Variants in MOB3B observed in about 807,000 individuals in gnomAD.
MOB3B encodes the protein MOB kinase activator 3B, also known as MOB kinase activator-like 2B.
MOB3B carries 7 observed loss-of-function variants against 18.7 expected under a neutral mutation model. That is an observed-to-expected ratio of 0.37 (90% CI 0.21 to 0.70). The LOEUF (loss-of-function observed/expected upper bound fraction) is 0.70, where lower values mean the gene tolerates loss of function less well. Ranked by LOEUF, MOB3B falls within the 30% of genes least tolerant of loss-of-function variation. The pLI, the probability that MOB3B is intolerant of heterozygous loss-of-function variation, is 0.52. For synonymous variants in MOB3B, 111 were observed against 99.9 expected, an observed-to-expected ratio of 1.11 and a Z score of -0.66; for missense variants, 253 against 281.3, an observed-to-expected ratio of 0.90 and a Z score of 0.72.
intron 2 of MOB3B, among the ~76,000 whole-genome samples, chr9:27,419,235 G>A (rs1822203593): frequency 6.6e-6 from 1 of 151,996 alleles, no homozygotes; most frequent in African/African-American, 2.4e-5. Context: ...CACTGACAAA[G>A]GAAATCTACA....
intron 1 of MOB3B, among the ~76,000 whole-genome samples, chr9:27,508,836 G>A (rs1462963889): frequency 1.3e-5 from 2 of 152,182 alleles, no homozygotes; most frequent in East Asian, 1.9e-4. Flanking sequence ...AGGGCCCATT[G>A]AGGCTGTTTT....
intron 1 of MOB3B, among the ~76,000 whole-genome samples, chr9:27,466,498 T>C (rs1348796045): frequency 1.3e-5 from 2 of 152,336 alleles, no homozygotes; most frequent in South Asian, 4.1e-4. Flanking sequence ...CTTCCACATT[T>C]TCGGGTATCT....
At chr9:27,441,254 C>A (rs572977513) in intron 2 of MOB3B, among the ~76,000 whole-genome samples, 50 of 144,426 alleles carry the variant, frequency 3.5e-4, no homozygotes, top group African/African-American at 1.2e-3. Context: ...GCATAAATTT[C>A]TTTTTACTTC....
At chr9:27,369,555 G>A (rs1475208863) in intron 2 of MOB3B, among the ~76,000 whole-genome samples, 2 of 152,206 alleles carry the variant, frequency 1.3e-5, no homozygotes, top group Non-Finnish European at 2.9e-5. Context: ...AAACTCTAAA[G>A]CAGCCTCCTA....
rs192059654 is a variant in MOB3B, at chr9:27,446,818, T to G, written c.418+8315A>C. 8.8e-4 allele frequency among the ~76,000 whole-genome samples: 134 copies of G among 152,320 alleles called. 1 individual carries two copies. The highest frequency in any genetic ancestry group is 3.1e-3 in the African/African-American group (127 of 41,574). On this transcript the variant is annotated intron_variant, in intron 2 of 3. Transcript: ENST00000262244. ...AGGCTCAGAGAGACTAAAATTATGC[T>G]AGTAAAATCATCATCAGAATTCAAA...
At chr9:27,355,432 C>T (rs1288383139) in intron 3 of MOB3B, among the ~76,000 whole-genome samples, 1 of 152,196 alleles carries the variant, frequency 6.6e-6, no homozygotes, top group African/African-American at 2.4e-5. Flanking sequence ...AAATGTACAA[C>T]TAGAATGTGA....
At chr9:27,423,996 G>A (rs1015892536) in intron 2 of MOB3B, among the ~76,000 whole-genome samples, 18 of 152,190 alleles carry the variant, frequency 1.2e-4, no homozygotes, top group African/African-American at 3.1e-4. Context: ...AGTAAGTGGT[G>A]GAATTAGGAC....
chr9:27,393,275 G>A (rs1821753576), intron 2 of MOB3B, among the ~76,000 whole-genome samples: 1 of 152,034 alleles, frequency 6.6e-6, no homozygotes, highest in Non-Finnish European at 1.5e-5. Flanking sequence ...GTAAATATAG[G>A]CCAGGTGATT....
At chr9:27,438,601 A>C (rs1395204321) in intron 2 of MOB3B, among the ~76,000 whole-genome samples, 2 of 152,126 alleles carry the variant, frequency 1.3e-5, no homozygotes, top group Non-Finnish European at 2.9e-5. Flanking sequence ...TCATGTGAAA[A>C]ACCTGAGCTC....
intron 3 of MOB3B, among the ~76,000 whole-genome samples, chr9:27,353,799 C>A (rs753211014): frequency 6.6e-6 from 1 of 152,202 alleles, no homozygotes; most frequent in South Asian, 2.1e-4. Flanking sequence ...CAAAACACTG[C>A]GGGCTATTCG....
chr9:27,378,865 A>G (rs2131372754), intron 2 of MOB3B: 1 of 375,464 alleles, frequency 2.7e-6, no homozygotes, highest in African/African-American at 2.1e-5. Flanking sequence ...ATTGCAAACC[A>G]CTTATCCAGG....
chr9:27,467,726 A>T (rs1294816102), intron 1 of MOB3B, among the ~76,000 whole-genome samples: 2 of 152,228 alleles, frequency 1.3e-5, no homozygotes, highest in Non-Finnish European at 2.9e-5. Flanking sequence ...TCCTCCTGCG[A>T]AGTGCCTGCT....
intron 2 of MOB3B, among the ~76,000 whole-genome samples, chr9:27,398,202 C>G (rs1412802432): frequency 6.6e-6 from 1 of 152,178 alleles, no homozygotes; most frequent in African/African-American, 2.4e-5. Context: ...CAATGTCACA[C>G]AGTGGGACAG....
chr9:27,528,727 G>A (rs559560203), intron 1 of MOB3B, among the ~76,000 whole-genome samples: 2 of 152,296 alleles, frequency 1.3e-5, no homozygotes, highest in African/African-American at 4.8e-5. Context: ...AGTCGGCTGC[G>A]TAGAGAGATC....
At chr9:27,388,433 C>G (rs1363600189) in intron 2 of MOB3B, among the ~76,000 whole-genome samples, 1 of 152,114 alleles carries the variant, frequency 6.6e-6, no homozygotes, top group Non-Finnish European at 1.5e-5. Flanking sequence ...ATTGAAATGT[C>G]TATATATACT....
intron 2 of MOB3B, among the ~76,000 whole-genome samples, chr9:27,429,031 A>G (rs1444632974): frequency 6.6e-6 from 1 of 152,218 alleles, no homozygotes; most frequent in East Asian, 1.9e-4. Flanking sequence ...ACTCATACAT[A>G]CTTTAGAAAT....
chr9:27,418,589 A>G (rs1032645358), intron 2 of MOB3B, among the ~76,000 whole-genome samples: 1 of 152,224 alleles, frequency 6.6e-6, no homozygotes, highest in African/African-American at 2.4e-5. Flanking sequence ...AAATCATATG[A>G]TCATCTCAAT....
chr9:27,397,864 G>C (rs1246176683), intron 2 of MOB3B, among the ~76,000 whole-genome samples: 2 of 152,164 alleles, frequency 1.3e-5, no homozygotes, highest in Non-Finnish European at 2.9e-5. Context: ...TTTGTTGTGA[G>C]AGATTGTCCC....
chr9:27,413,969 A>C (rs956969205), intron 2 of MOB3B, among the ~76,000 whole-genome samples: 1 of 152,224 alleles, frequency 6.6e-6, no homozygotes, highest in Non-Finnish European at 1.5e-5. Flanking sequence ...CGAGTGCTGG[A>C]ATCTGAGAAG....
Sources: gnomAD v4.1 joint callset for allele counts (sites outside exome capture counted in the v4.1 genomes callset) on GRCh38, gnomAD v4.1.1 for gene constraint, MANE v1.5 for transcripts, NCBI Gene and HGNC (gene_info 2026-07-23, HGNC 2026-07-21) for gene names.